TNR: variants seen among roughly 807,000 people sequenced by gnomAD.
The protein encoded by TNR is tenascin-R.
In TNR, 45 loss-of-function variants were observed where a neutral mutation model predicts 150.4. That is an observed-to-expected ratio of 0.30 (90% CI 0.24 to 0.38). The LOEUF (loss-of-function observed/expected upper bound fraction) is 0.38, where lower values mean the gene tolerates loss of function less well. Among genes scored for constraint, TNR ranks in the 10% least tolerant of loss-of-function variants. The pLI is 1.00. For missense variants in TNR, 1,544 were observed against 1,759.1 expected (o/e 0.88, Z 2.19); for synonymous variants, 687 against 678.4 (o/e 1.01, Z -0.20).
At chr1:175,611,315 G>T (rs1663590347) in intron 1 of TNR, among the ~76,000 whole-genome samples, 1 of 151,822 alleles carries the variant, frequency 6.6e-6, no homozygotes, top group South Asian at 2.1e-4. Context: ...ACCTATCCTG[G>T]TCTCCATTTC....
Position 175,379,620 on chromosome 1 carries a change from G to A in TNR, c.1895C>T (p.Ala632Val), listed in dbSNP as rs545364805. ...CAGTACCTCATGATATTGCTCACCC[G>A]CCAGGGTGCTGTACACAACCTTGTA... The part of the protein sequence containing the change: ...QEYKVVYSTL[A>V]GEQYHEVLVP... Residue 632 changes from alanine to valine, a missense_variant, in exon 9 of 23, where the codon GCG becomes GTG. Physicochemically the swap from Ala to Val is moderately conservative, Grantham distance 64 (BLOSUM62 0). Transcript: ENST00000367674. The A allele has an allele frequency of 2.5e-5, 41 of 1,614,110 alleles. No individual in the cohort carries two copies. In the South Asian group the frequency reaches 2.9e-4, roughly 11 times the overall value.
intron 2 of TNR, among the ~76,000 whole-genome samples, chr1:175,432,886 G>A (rs147066453): frequency 6.6e-6 from 1 of 152,252 alleles, no homozygotes; most frequent in African/African-American, 2.4e-5. Context: ...CTTTTTAGGA[G>A]TGGCCAGGTA....
intron 1 of TNR, among the ~76,000 whole-genome samples, chr1:175,664,352 G>A (rs1485988854): frequency 6.6e-6 from 1 of 152,154 alleles, no homozygotes; most frequent in Non-Finnish European, 1.5e-5. Flanking sequence ...CAGAGTAGAG[G>A]GGCCTCTTGC....
At chr1:175,530,605 T>C (rs368198400) in intron 1 of TNR, among the ~76,000 whole-genome samples, 1 of 152,274 alleles carries the variant, frequency 6.6e-6, no homozygotes, top group Non-Finnish European at 1.5e-5. Flanking sequence ...TGAAATACTC[T>C]GCAACTTGCT....
chr1:175,380,691 C>T (rs867535231), intron 8 of TNR, among the ~76,000 whole-genome samples: 6 of 152,266 alleles, frequency 3.9e-5, no homozygotes, highest in South Asian at 4.1e-4. Context: ...AAAGAGACGA[C>T]GGGGACACTG....
At chr1:175,698,161 G>A (rs1666586744) in intron 1 of TNR, among the ~76,000 whole-genome samples, 1 of 152,206 alleles carries the variant, frequency 6.6e-6, no homozygotes, top group African/African-American at 2.4e-5. Flanking sequence ...ACACTACCCT[G>A]GTGGCACTTA....
intron 1 of TNR, among the ~76,000 whole-genome samples, chr1:175,733,128 G>T (rs577704121): frequency 6.6e-6 from 1 of 152,182 alleles, no homozygotes; most frequent in East Asian, 1.9e-4. Context: ...TTTCCCTCTC[G>T]CAGGCTTTTG....
At chr1:175,597,899 A>G (rs572021990) in intron 1 of TNR, among the ~76,000 whole-genome samples, 19 of 152,344 alleles carry the variant, frequency 1.2e-4, no homozygotes, top group African/African-American at 4.6e-4. Flanking sequence ...CTCTGTCATC[A>G]CTAGAGAACA....
At chr1:175,500,065 C>G (rs1658666985) in intron 2 of TNR, among the ~76,000 whole-genome samples, 1 of 152,188 alleles carries the variant, frequency 6.6e-6, no homozygotes, top group Non-Finnish European at 1.5e-5. Context: ...TCCATGGAAG[C>G]CTCAGTCTAC....
chr1:175,446,422 AT>A (rs772331860), intron 2 of TNR, among the ~76,000 whole-genome samples: 7 of 152,156 alleles, frequency 4.6e-5, no homozygotes, highest in African/African-American at 7.2e-5. Context: ...CCAGATAGAA[AT>A]TTCTGAAATA....
intron 22 of TNR, 41 bp from the exon 23 acceptor site, chr1:175,323,517 C>G: frequency 6.2e-7 from 1 of 1,603,602 alleles, no homozygotes; most frequent in Non-Finnish European, 8.5e-7. Flanking sequence ...CATCCCCCAC[C>G]ATGGAACGCC....
intron 9 of TNR, among the ~76,000 whole-genome samples, chr1:175,371,885 A>T (rs10489316): frequency 0.65 from 98,465 of 151,990 alleles, 32,671 homozygotes; most frequent in East Asian, 0.81. Context: ...AGCAACTTGG[A>T]ATTCGAGAGT....
chr1:175,471,612 A>T (rs1363714364), intron 2 of TNR, among the ~76,000 whole-genome samples: 1 of 152,202 alleles, frequency 6.6e-6, no homozygotes, highest in African/African-American at 2.4e-5. Context: ...CAGGGCACTT[A>T]CTATGAATGG....
chr1:175,379,875 G>T, intron 8 of TNR, 138 bp from the exon 9 acceptor site: 4 of 959,504 alleles, frequency 4.2e-6, no homozygotes, highest in East Asian at 5.3e-5. Flanking sequence ...GAACACTGTG[G>T]CTACCCTTAG....
chr1:175,506,086 T>C (rs1658946809), intron 2 of TNR, among the ~76,000 whole-genome samples: 1 of 152,128 alleles, frequency 6.6e-6, no homozygotes, highest in Non-Finnish European at 1.5e-5. Context: ...GCACAATAAT[T>C]ACCTACCAGG....
chr1:175,536,124 T>A (rs1306404836), intron 1 of TNR, among the ~76,000 whole-genome samples: 1 of 152,224 alleles, frequency 6.6e-6, no homozygotes, highest in African/African-American at 2.4e-5. Context: ...ATACCACAAA[T>A]CTGTTTTTTA....
At chr1:175,361,526 CT>C (rs981565396) in intron 14 of TNR, among the ~76,000 whole-genome samples, 5 of 152,162 alleles carry the variant, frequency 3.3e-5, no homozygotes, top group African/African-American at 1.2e-4. Context: ...CCTGCGCTGT[CT>C]TTAGAAGAAT....
intron 1 of TNR, among the ~76,000 whole-genome samples, chr1:175,706,751 T>G (rs1417341555): frequency 6.6e-6 from 1 of 152,120 alleles, no homozygotes; most frequent in Non-Finnish European, 1.5e-5. Context: ...AGGTAAAATC[T>G]AATTCCCCTT....
chr1:175,462,888 A>T (rs1656878573), intron 2 of TNR, among the ~76,000 whole-genome samples: 1 of 152,194 alleles, frequency 6.6e-6, no homozygotes. Flanking sequence ...AAAAGTTTGC[A>T]CCCTGCTGTG....
Sources: allele counts gnomAD v4.1 joint callset (sites outside exome capture counted in the v4.1 genomes callset), GRCh38; gene constraint gnomAD v4.1.1; transcripts MANE v1.5; gene names NCBI Gene and HGNC (gene_info 2026-07-23, HGNC 2026-07-21).